The following MINDY4B variants were observed in gnomAD, a reference collection of about 807,000 sequenced individuals.
MINDY4B encodes the protein inactive ubiquitin carboxyl-terminal hydrolase MINDY-4B.
Under a neutral mutation model 16.7 loss-of-function variants are expected in MINDY4B, and 25 were observed. That is an observed-to-expected ratio of 1.49 (90% CI 1.09 to 2.09). MINDY4B has a LOEUF of 2.09. Ranked by LOEUF, MINDY4B falls within the 30% of genes most tolerant of loss-of-function variation. MINDY4B has a pLI of 0.00. For missense variants in MINDY4B, 327 were observed against 168.4 expected, an observed-to-expected ratio of 1.94 and a Z score of -5.21; for synonymous variants, 132 against 61.9, an observed-to-expected ratio of 2.13 and a Z score of -5.32.
At chr3:150,883,614 C>T (rs13069091) in intron 9 of MINDY4B, 86 bp downstream of exon 9, 35,251 of 662,374 alleles carry the variant, frequency 0.053, 1,373 homozygotes, top group African/African-American at 0.13. Context: ...ATTCAGATTG[C>T]TTTTCTTTTT....
At chr3:150,893,526 C>A in intron 4 of MINDY4B, 111 bp from the exon 5 acceptor site, 1 of 681,754 alleles carries the variant, frequency 1.5e-6, no homozygotes, top group Non-Finnish European at 2.7e-6. Context: ...TGTGAAGGGA[C>A]ACCATGCTAT....
chr3:150,886,234 A>C (rs1711618806), intron 7 of MINDY4B, among the ~76,000 whole-genome samples: 1 of 152,232 alleles, frequency 6.6e-6, no homozygotes, highest in African/African-American at 2.4e-5. Context: ...GACAAGTAGA[A>C]TAGCTTCCCT....
rs1716941447 is a variant in MINDY4B, at chr3:150,870,483, G to T, written c.*562C>A. 1.3e-5 allele frequency among the ~76,000 whole-genome samples: 2 copies of T among 152,158 alleles called. No individual in the cohort carries two copies. Among genetic ancestry groups the T allele is most frequent in the Non-Finnish European group, 2.9e-5 (2 of 68,018 alleles). On this transcript the variant is annotated 3_prime_UTR_variant, in exon 12 of 12. Transcript: ENST00000465419. ...CACATGTCAACTGCTATAGCTGTCA[G>T]CCTACCAGGAATAACCCCTGCTTCA...
intron 3 of MINDY4B, among the ~76,000 whole-genome samples, chr3:150,895,260 A>T (rs1166979300): frequency 6.6e-6 from 1 of 152,184 alleles, no homozygotes; most frequent in Non-Finnish European, 1.5e-5. Context: ...TTCTCTTAAC[A>T]CCTGCCCTAC....
chr3:150,905,158 C>G (rs1231036876), intron 1 of MINDY4B, 69 bp from the exon 2 acceptor site: 1 of 398,344 alleles, frequency 2.5e-6, no homozygotes, highest in African/African-American at 2.1e-5. Context: ...ACAAACCTCC[C>G]AAACCCCAAC....
chr3:150,876,156 C>T (rs1711496709), intron 10 of MINDY4B, among the ~76,000 whole-genome samples: 1 of 152,208 alleles, frequency 6.6e-6, no homozygotes, highest in African/African-American at 2.4e-5. Flanking sequence ...CTTAAGTTCA[C>T]TCATTGTGTA....
intron 10 of MINDY4B, 72 bp from the exon 11 acceptor site, chr3:150,873,439 C>T (rs189862244): frequency 3.7e-5 from 24 of 654,952 alleles, no homozygotes; most frequent in Admixed American, 2.3e-4. Flanking sequence ...GATACATGAT[C>T]GCGACCAAAA....
At chr3:150,889,875 T>A (rs1711720640) in intron 7 of MINDY4B, among the ~76,000 whole-genome samples, 1 of 152,194 alleles carries the variant, frequency 6.6e-6, no homozygotes, top group African/African-American at 2.4e-5. Context: ...GGGCATTGTG[T>A]GGAAGGTGCT....
chr3:150,886,345 C>T (rs1711620900), intron 7 of MINDY4B, among the ~76,000 whole-genome samples: 1 of 152,072 alleles, frequency 6.6e-6, no homozygotes, highest in South Asian at 2.1e-4. Context: ...TTAATGTATC[C>T]GTTTTGCTAT....
chr3:150,891,172 A>C (rs1711794653), intron 5 of MINDY4B, 69 bp from the exon 6 acceptor site: 4 of 662,304 alleles, frequency 6.0e-6, no homozygotes, highest in Non-Finnish European at 8.4e-6. Context: ...GATGGGAAGT[A>C]ATTTGCTCCT....
intron 10 of MINDY4B, among the ~76,000 whole-genome samples, chr3:150,874,381 A>G (rs1010573201): frequency 2.0e-5 from 3 of 152,230 alleles, no homozygotes; most frequent in Non-Finnish European, 1.5e-5. Context: ...GGGATGTAGT[A>G]AAAGGGCAGT....
At chr3:150,879,853 G>A (rs949860888) in intron 10 of MINDY4B, among the ~76,000 whole-genome samples, 7 of 152,178 alleles carry the variant, frequency 4.6e-5, no homozygotes, top group African/African-American at 1.7e-4. Flanking sequence ...TTTATTGCCT[G>A]TATCCTTCCT....
intron 3 of MINDY4B, among the ~76,000 whole-genome samples, chr3:150,894,916 T>C (rs1711922484): frequency 6.6e-6 from 1 of 152,180 alleles, no homozygotes; most frequent in Non-Finnish European, 1.5e-5. Flanking sequence ...CCCACAGCTA[T>C]GTACAAGACA....
intron 5 of MINDY4B, among the ~76,000 whole-genome samples, chr3:150,891,840 G>A (rs1356170485): frequency 6.6e-6 from 1 of 151,230 alleles, no homozygotes; most frequent in Non-Finnish European, 1.5e-5. Context: ...GAATAACAGA[G>A]TGCTATGAGA....
chr3:150,899,312 C>T (rs1052685415), intron 3 of MINDY4B, among the ~76,000 whole-genome samples: 7 of 152,186 alleles, frequency 4.6e-5, no homozygotes, highest in African/African-American at 1.7e-4. Context: ...CAGCAGGAAA[C>T]AGATGGCATT....
In MINDY4B at chr3:150,880,305, CTGTGTGTG is replaced by C. The variant is rs60659488; in HGVS notation, c.1059+2584_1059+2591del. Among the ~76,000 whole-genome samples, 397 of 149,302 alleles carry C rather than the reference CTGTGTGTG, an allele frequency of 2.7e-3. 1 individual carries two copies. Among genetic ancestry groups the C allele is most frequent in the South Asian group, 5.7e-3 (27 of 4,736 alleles). Reference sequence around the variant, plus strand: ...CCTCACCTTTATGCCAGGTTCCCATCTGTGTGTGTGTGTGTGTGTGTGTGTGTGTGTGT... The same window carrying C: ...CCTCACCTTTATGCCAGGTTCCCATCTGTGTGTGTGTGTGTGTGTGTGTGT... On this transcript the variant is annotated intron_variant, in intron 10 of 11. Transcript: ENST00000465419.
At chr3:150,897,209 C>G (rs921695157) in intron 3 of MINDY4B, among the ~76,000 whole-genome samples, 7 of 152,078 alleles carry the variant, frequency 4.6e-5, no homozygotes, top group African/African-American at 1.4e-4. Flanking sequence ...CACACACCAG[C>G]CTGTTACCTG....
At chr3:150,890,236 A>G in intron 7 of MINDY4B, 84 bp downstream of exon 7, 2 of 415,662 alleles carry the variant, frequency 4.8e-6, no homozygotes, top group South Asian at 7.9e-5. Flanking sequence ...AACAGGCATC[A>G]TTAGAAATAG....
At chr3:150,872,660 C>G (rs545939064) in intron 11 of MINDY4B, among the ~76,000 whole-genome samples, 1 of 152,192 alleles carries the variant, frequency 6.6e-6, no homozygotes, top group South Asian at 2.1e-4. Context: ...AGACCTGTGC[C>G]GCATTCACCA....
Sources: gnomAD v4.1 joint callset for allele counts (sites outside exome capture counted in the v4.1 genomes callset) on GRCh38, gnomAD v4.1.1 for gene constraint, MANE v1.5 for transcripts, NCBI Gene and HGNC (gene_info 2026-07-23, HGNC 2026-07-21) for gene names.